The following PCCA variants were observed in gnomAD, a reference collection of about 807,000 sequenced individuals.
PCCA encodes the protein propionyl-CoA carboxylase subunit alpha, also known as propionyl-CoA carboxylase alpha chain, mitochondrial.
PCCA carries 74 observed loss-of-function variants against 101.3 expected under a neutral mutation model. That is an observed-to-expected ratio of 0.73 (90% CI 0.61 to 0.89). The LOEUF is 0.89. PCCA is among the 40% of genes least tolerant of loss of function. The probability of loss-of-function intolerance (pLI) is 0.00; values close to 1 mark genes in which losing one functional copy is unlikely to be tolerated. For missense variants in PCCA, 891 were observed against 907.0 expected, an observed-to-expected ratio of 0.98 and a Z score of 0.23; for synonymous variants, 294 against 313.6, an observed-to-expected ratio of 0.94 and a Z score of 0.66.
intron 6 of PCCA, among the ~76,000 whole-genome samples, chr13:100,173,239 T>A (rs1033126812): frequency 2.0e-5 from 3 of 152,188 alleles, no homozygotes; most frequent in African/African-American, 7.2e-5. Context: ...TGTAGTGGTG[T>A]CTACAGTGTG....
chr13:100,137,363 C>A (rs1194483686), intron 4 of PCCA, among the ~76,000 whole-genome samples: 3 of 152,192 alleles, frequency 2.0e-5, no homozygotes, highest in African/African-American at 4.8e-5. Flanking sequence ...CAGTGAGATA[C>A]AACTGGTTTG....
At chr13:100,515,374 G>C in intron 21 of PCCA, 53 bp from the exon 22 acceptor site, 5 of 1,550,160 alleles carry the variant, frequency 3.2e-6, no homozygotes, top group Non-Finnish European at 4.4e-6. Flanking sequence ...TGCTACTTTT[G>C]AGGAAAATTT....
chr13:100,143,065 C>G (rs1286110354), intron 4 of PCCA, among the ~76,000 whole-genome samples: 1 of 152,164 alleles, frequency 6.6e-6, no homozygotes, highest in African/African-American at 2.4e-5. Flanking sequence ...AGGTACCCTT[C>G]TGTTTTTCAA....
At chr13:100,212,063 T>G (rs2059253463) in intron 7 of PCCA, among the ~76,000 whole-genome samples, 1 of 152,180 alleles carries the variant, frequency 6.6e-6, no homozygotes, top group Admixed American at 6.5e-5. Context: ...CTGACCAATC[T>G]CAAATGTATG....
chr13:100,210,780 GGTT>G (rs1300058774), intron 7 of PCCA, among the ~76,000 whole-genome samples: 1 of 152,094 alleles, frequency 6.6e-6, no homozygotes, highest in Non-Finnish European at 1.5e-5. Flanking sequence ...TTCTGTGTTG[GGTT>G]GTTCTTCATT....
rs1045544639 is a variant in PCCA, at chr13:100,126,870, A to G, written c.300+14809A>G. Among the ~76,000 whole-genome samples the G allele has an allele frequency of 3.3e-5, 5 of 152,314 alleles. No individual in the cohort carries two copies. The East Asian group carries it at 9.6e-4, about 29-fold the overall frequency. ...AACTGTGACTTTCATGTATTAACTT[A>G]ATTAAAGCAGTGTTATGGGTAATAC... On this transcript the variant is annotated intron_variant, in intron 4 of 23. Transcript: ENST00000376285.
At chr13:100,212,892 C>A (rs2059303924) in intron 7 of PCCA, among the ~76,000 whole-genome samples, 1 of 151,894 alleles carries the variant, frequency 6.6e-6, no homozygotes, top group Non-Finnish European at 1.5e-5. Context: ...TCCCCACTAC[C>A]CTTCCCAGCC....
intron 17 of PCCA, among the ~76,000 whole-genome samples, chr13:100,339,414 T>G (rs1340860724): frequency 6.6e-6 from 1 of 152,194 alleles, no homozygotes; most frequent in Non-Finnish European, 1.5e-5. Context: ...GGTAAATAAA[T>G]AGTTTTAGAT....
chr13:100,377,068 T>C lies in PCCA; in HGVS notation c.1746+8494T>C, dbSNP rs957877613. 2.0e-5 allele frequency among the ~76,000 whole-genome samples: 3 copies of C among 152,124 alleles called. No homozygotes were observed. The East Asian group carries it at 5.8e-4, about 29-fold the overall frequency. ...GCTTCCCTTGGCTAGGGGAGGGAGT[T>C]CCCTGACCCCTTGTGCTGCCCGGGT... is the stretch of plus-strand genomic sequence containing the variant. On this transcript the variant is annotated intron_variant, in intron 19 of 23. Coordinates refer to ENST00000376285, the MANE Select transcript of PCCA (RefSeq NM_000282.4).
At chr13:100,120,528 T>C (rs2049271967) in intron 4 of PCCA, among the ~76,000 whole-genome samples, 1 of 152,206 alleles carries the variant, frequency 6.6e-6, no homozygotes, top group Non-Finnish European at 1.5e-5. Flanking sequence ...GAAATTCCCT[T>C]AATTTCTTTG....
Position 100,273,248 on chromosome 13 carries a change from C to T in PCCA, c.967C>T (p.Leu323Phe), listed in dbSNP as rs1394612377. ...RRAMGEQAVA[L>F]ARAVKYSSAG... ...AGCGATGGGAGAACAAGCTGTAGCT[C>T]TTGCCAGAGCAGTAAAATATTCCTC... Residue 323 changes from leucine to phenylalanine, a missense_variant, in exon 12 of 24, where the codon CTT (leucine) becomes TTT (phenylalanine). By Grantham distance (22) the Leu-to-Phe change is conservative. Coordinates refer to ENST00000376285, the MANE Select transcript of PCCA (RefSeq NM_000282.4). 5 of 1,612,104 alleles carry T rather than the reference C, an allele frequency of 3.1e-6. No homozygotes were observed. Among genetic ancestry groups the T allele is most frequent in the Non-Finnish European group, 4.2e-6 (5 of 1,178,312 alleles).
chr13:100,114,760 T>A (rs1283529429), intron 4 of PCCA, among the ~76,000 whole-genome samples: 1 of 152,202 alleles, frequency 6.6e-6, no homozygotes, highest in Admixed American at 6.5e-5. Context: ...AAAACGGCTT[T>A]TATCCAAAAG....
At chr13:100,332,809 C>T (rs1223763097) in intron 17 of PCCA, among the ~76,000 whole-genome samples, 1 of 152,052 alleles carries the variant, frequency 6.6e-6, no homozygotes, top group Non-Finnish European at 1.5e-5. Flanking sequence ...GTTTTTTATG[C>T]TTAGACCAAT....
intron 6 of PCCA, among the ~76,000 whole-genome samples, chr13:100,172,616 A>G (rs1005370017): frequency 6.6e-6 from 1 of 152,250 alleles, no homozygotes; most frequent in Non-Finnish European, 1.5e-5. Context: ...TAGTAGAGAA[A>G]GACAATCAGG....
At chr13:100,222,516 A>G (rs2059881860) in intron 7 of PCCA, among the ~76,000 whole-genome samples, 1 of 152,240 alleles carries the variant, frequency 6.6e-6, no homozygotes, top group Admixed American at 6.5e-5. Context: ...GAGCTACACC[A>G]TTCACATTTA....
chr13:100,320,476 C>T (rs1052420323), intron 16 of PCCA, among the ~76,000 whole-genome samples: 2 of 152,110 alleles, frequency 1.3e-5, no homozygotes, highest in African/African-American at 4.8e-5. Flanking sequence ...ATAAATAGCT[C>T]TTATTATTTT....
chr13:100,413,300 G>C (rs1359088799), intron 19 of PCCA, among the ~76,000 whole-genome samples: 1 of 152,186 alleles, frequency 6.6e-6, no homozygotes, highest in Non-Finnish European at 1.5e-5. Context: ...CATTTTTATG[G>C]ACGTCTTATA....
chr13:100,470,262 T>C (rs1183628304), intron 21 of PCCA, among the ~76,000 whole-genome samples: 1 of 151,978 alleles, frequency 6.6e-6, no homozygotes, highest in Non-Finnish European at 1.5e-5. Context: ...TTTGGGTTTT[T>C]TTGGGGAATT....
At chr13:100,326,785 T>G (rs1260794633) in intron 16 of PCCA, among the ~76,000 whole-genome samples, 1 of 152,202 alleles carries the variant, frequency 6.6e-6, no homozygotes, top group Non-Finnish European at 1.5e-5. Flanking sequence ...TATGATTTGC[T>G]TCATAACATT....
Sources: allele counts gnomAD v4.1 joint callset (sites outside exome capture counted in the v4.1 genomes callset), GRCh38; gene constraint gnomAD v4.1.1; transcripts MANE v1.5; gene names NCBI Gene and HGNC (gene_info 2026-07-23, HGNC 2026-07-21).